The following WASF3 variants were observed in gnomAD, a reference collection of about 807,000 sequenced individuals.
The protein encoded by WASF3 is WASP family member 3.
WASF3 carries 11 observed loss-of-function variants against 46.6 expected under a neutral mutation model. The observed-to-expected ratio is 0.24, with a 90% confidence interval of 0.15 to 0.39. The LOEUF (loss-of-function observed/expected upper bound fraction) is 0.39, where lower values mean the gene tolerates loss of function less well. Among genes scored for constraint, WASF3 ranks in the 10% least tolerant of loss-of-function variants. WASF3 has a pLI of 1.00. For missense variants in WASF3, 576 were observed against 669.8 expected, an observed-to-expected ratio of 0.86 and a Z score of 1.55; for synonymous variants, 242 against 259.7, an observed-to-expected ratio of 0.93 and a Z score of 0.65.
intron 1 of WASF3, among the ~76,000 whole-genome samples, chr13:26,610,759 T>C (rs1380017166): frequency 1.3e-5 from 2 of 152,182 alleles, no homozygotes; most frequent in African/African-American, 4.8e-5. Flanking sequence ...TGGTGTTGCA[T>C]AGAAGCATGC....
chr13:26,598,160 A>G (rs1880532332), intron 1 of WASF3, among the ~76,000 whole-genome samples: 1 of 152,210 alleles, frequency 6.6e-6, no homozygotes, highest in Admixed American at 6.5e-5. Context: ...TCGCCATTCT[A>G]ACCGGTATGA....
intron 9 of WASF3, among the ~76,000 whole-genome samples, chr13:26,684,481 A>G (rs550002812): frequency 2.3e-4 from 35 of 152,320 alleles, no homozygotes; most frequent in African/African-American, 2.9e-4. Context: ...TTGACAACCA[A>G]TGTCACGGAT....
At chr13:26,677,641 G>A (rs1335073152) in intron 7 of WASF3, among the ~76,000 whole-genome samples, 1 of 152,168 alleles carries the variant, frequency 6.6e-6, no homozygotes, top group African/African-American at 2.4e-5. Flanking sequence ...GGGAGGATGT[G>A]AGGCAAGTTC....
In WASF3 at chr13:26,682,872, TC is replaced by T; in HGVS notation, c.1253del (p.Pro418GlnfsTer7). Reference protein sequence around the residue: ...PPGPGSSLSSSPMHGPPVAEA... With the variant: ...PPGPGSSLSSXPMHGPPVAEA... ...TGGTCCCGGGTCTTCTCTTTCGTCC[TC>T]CCCAATGCATGGCCCCCCAGTAGCT... On this transcript the variant is annotated frameshift_variant, in exon 9 of 10. Coordinates refer to ENST00000335327, the MANE Select transcript of WASF3 (RefSeq NM_006646.6). LOFTEE classifies it high-confidence loss of function. This position sits in a 1 kb window ranked among gnomAD's most constrained non-coding sequence, Gnocchi z 4.4. 1.2e-6 allele frequency: 2 copies of T among 1,610,322 alleles called. No homozygotes were observed.
At chr13:26,644,566 C>T (rs1754419506) in intron 3 of WASF3, among the ~76,000 whole-genome samples, 1 of 152,110 alleles carries the variant, frequency 6.6e-6, no homozygotes, top group African/African-American at 2.4e-5. Flanking sequence ...ATTGTGCTTC[C>T]GGTAAGCACC....
intron 2 of WASF3, among the ~76,000 whole-genome samples, chr13:26,614,528 G>T (rs1168105965): frequency 6.6e-6 from 1 of 152,172 alleles, no homozygotes; most frequent in Non-Finnish European, 1.5e-5. Flanking sequence ...AATTTATAGT[G>T]TTAAATGCTT....
chr13:26,663,541 G>A (rs572961253), intron 3 of WASF3, among the ~76,000 whole-genome samples: 4 of 152,328 alleles, frequency 2.6e-5, no homozygotes, highest in African/African-American at 7.2e-5. Context: ...TTAATGCTTA[G>A]CTGAAAGCTG....
Position 26,681,156 on chromosome 13 carries a change from A to G in WASF3, c.819A>G (p.Pro273=). ...VTPSYAAGDV[P]PHGPASQAAE... ...CTTCCTATGCAGCTGGTGACGTGCC[A>G]CCACACGGGCCTGCAAGCCAGGCTG... The change falls in exon 8 of 10, where the codon CCA becomes CCG. Residue 273 remains proline, a synonymous_variant. Transcript: ENST00000335327. 6.2e-7 allele frequency: 1 copy of G among 1,614,058 alleles called. No individual in the cohort carries two copies. Among genetic ancestry groups the G allele is most frequent in the African/African-American group, 1.3e-5 (1 of 75,002 alleles).
intron 5 of WASF3, 28 bp from the exon 6 acceptor site, chr13:26,671,844 C>T: frequency 7.5e-6 from 11 of 1,469,906 alleles, no homozygotes; most frequent in South Asian, 1.3e-5. Flanking sequence ...ATCTTTTCTT[C>T]CCTGACTTAC....
At chr13:26,628,506 A>G (rs1881541252) in intron 2 of WASF3, among the ~76,000 whole-genome samples, 1 of 152,174 alleles carries the variant, frequency 6.6e-6, no homozygotes, top group Non-Finnish European at 1.5e-5. Context: ...TCCCAGGAGG[A>G]GATGCCAAGG....
chr13:26,567,817 G>A (rs1879515723), intron 1 of WASF3, among the ~76,000 whole-genome samples: 1 of 151,672 alleles, frequency 6.6e-6, no homozygotes, highest in African/African-American at 2.4e-5. Context: ...GTATATATAC[G>A]TGTGTGTGTA....
At chr13:26,643,722 C>T (rs895353056) in intron 3 of WASF3, among the ~76,000 whole-genome samples, 5 of 152,084 alleles carry the variant, frequency 3.3e-5, no homozygotes, top group East Asian at 1.9e-4. Flanking sequence ...TGATGAAAGC[C>T]GACATAAACT....
intron 7 of WASF3, among the ~76,000 whole-genome samples, chr13:26,678,088 C>T (rs1883118598): frequency 6.6e-6 from 1 of 150,944 alleles, no homozygotes; most frequent in East Asian, 1.9e-4. Context: ...CATACATCTG[C>T]GTTTCTCTTA....
chr13:26,548,928 A>G, the WASF3 span, among the ~76,000 whole-genome samples: 1 of 150,950 alleles, frequency 6.6e-6, no homozygotes, highest in Non-Finnish European at 1.5e-5. Flanking sequence ...GTGGAATTTA[A>G]TTTACCATCT....
chr13:26,631,623 T>C (rs1237163675), intron 2 of WASF3, among the ~76,000 whole-genome samples: 2 of 152,238 alleles, frequency 1.3e-5, no homozygotes, highest in African/African-American at 2.4e-5. Context: ...CCAGCTTTGT[T>C]CTTTTTGCTT....
At chr13:26,670,779 C>T (rs184247954) in intron 5 of WASF3, among the ~76,000 whole-genome samples, 17 of 152,252 alleles carry the variant, frequency 1.1e-4, no homozygotes, top group African/African-American at 3.9e-4. Flanking sequence ...CATTAATAGT[C>T]AAAGGTTAAG....
intron 1 of WASF3, among the ~76,000 whole-genome samples, chr13:26,610,198 T>C (rs1049444103): frequency 1.3e-5 from 2 of 152,174 alleles, no homozygotes; most frequent in Admixed American, 6.5e-5. Context: ...TTGTTCCCTT[T>C]AAAGAATCCT....
At chr13:26,613,709 G>A (rs1881048890) in intron 2 of WASF3, among the ~76,000 whole-genome samples, 1 of 152,292 alleles carries the variant, frequency 6.6e-6, no homozygotes, top group East Asian at 1.9e-4. Context: ...GGCGGAGCTT[G>A]CAGTGAGCCG....
chr13:26,661,550 G>A (rs1204683688), intron 3 of WASF3, among the ~76,000 whole-genome samples: 1 of 152,158 alleles, frequency 6.6e-6, no homozygotes, highest in African/African-American at 2.4e-5. Flanking sequence ...TTCCACCTCT[G>A]CTACTGTGAA....
Sources: allele counts gnomAD v4.1 joint callset (sites outside exome capture counted in the v4.1 genomes callset), GRCh38; gene constraint gnomAD v4.1.1; non-coding constraint Gnocchi (gnomAD v3.1); transcripts MANE v1.5; gene names NCBI Gene and HGNC (gene_info 2026-07-23, HGNC 2026-07-21).